The following CAPN5 variants were observed in gnomAD, a reference collection of about 807,000 sequenced individuals.
CAPN5 encodes the protein calpain-5.
In CAPN5, 54 loss-of-function variants were observed where a neutral mutation model predicts 73.0. That is an observed-to-expected ratio of 0.74 (90% CI 0.59 to 0.93). The LOEUF is 0.93. Ranked by LOEUF, CAPN5 falls within the 40% of genes least tolerant of loss-of-function variation. CAPN5 has a pLI of 0.00. For synonymous variants in CAPN5, 335 were observed against 356.9 expected, an observed-to-expected ratio of 0.94 and a Z score of 0.69; for missense variants, 785 against 882.9, an observed-to-expected ratio of 0.89 and a Z score of 1.41.
At chr11:77,090,369 G>A (rs1950136354) in intron 2 of CAPN5, among the ~76,000 whole-genome samples, 1 of 152,216 alleles carries the variant, frequency 6.6e-6, no homozygotes, top group Non-Finnish European at 1.5e-5. Flanking sequence ...AGCTCGGTCT[G>A]TCTCTCAAGG....
chr11:77,095,939 G>A (rs1048996500), intron 3 of CAPN5, among the ~76,000 whole-genome samples: 1 of 152,218 alleles, frequency 6.6e-6, no homozygotes, highest in East Asian at 1.9e-4. Flanking sequence ...AGGCCAGGGC[G>A]GGTCTGGGCG....
intron 2 of CAPN5, among the ~76,000 whole-genome samples, chr11:77,088,814 T>A (rs1472614102): frequency 6.6e-6 from 1 of 152,138 alleles, no homozygotes; most frequent in Non-Finnish European, 1.5e-5. Context: ...AATTTCTTGT[T>A]GTGCCACGAA....
intron 1 of CAPN5, among the ~76,000 whole-genome samples, chr11:77,075,056 A>T (rs1266055788): frequency 6.6e-6 from 1 of 152,138 alleles, no homozygotes; most frequent in South Asian, 2.1e-4. Flanking sequence ...GGGGCTCCGC[A>T]AGACAGCCGT....
intron 1 of CAPN5, among the ~76,000 whole-genome samples, chr11:77,077,446 A>G (rs1949983151): frequency 6.6e-6 from 1 of 152,098 alleles, no homozygotes. Flanking sequence ...TCTTTTTTAT[A>G]AAAGCCCAAA....
intron 1 of CAPN5, among the ~76,000 whole-genome samples, chr11:77,067,307 C>T (rs1292794335): frequency 6.9e-6 from 1 of 145,824 alleles, no homozygotes; most frequent in Non-Finnish European, 1.5e-5. Context: ...CTCGGCTCGT[C>T]CCCACCCCCA....
chr11:77,081,873 G>A lies in CAPN5; in HGVS notation c.-35-2979G>A, dbSNP rs117088051. 8.3e-3 allele frequency among the ~76,000 whole-genome samples: 1,258 copies of A among 152,232 alleles called. 14 individuals are homozygous for A. The highest frequency in any genetic ancestry group is 0.013 in the Non-Finnish European group (872 of 67,986). On this transcript the variant is annotated intron_variant, in intron 1 of 12. Coordinates refer to ENST00000648180, the MANE Select transcript of CAPN5 (RefSeq NM_004055.5). Reference sequence around the variant, plus strand: ...AGACCTGAGTGCTGGCGTCTGTGATGTGGAAAGCTGATTCCCCTTGGGAGC... The same window carrying A: ...AGACCTGAGTGCTGGCGTCTGTGATATGGAAAGCTGATTCCCCTTGGGAGC...
intron 3 of CAPN5, 29 bp from the exon 4 acceptor site, chr11:77,112,560 C>T: frequency 6.3e-7 from 1 of 1,575,896 alleles, no homozygotes; most frequent in African/African-American, 1.3e-5. Context: ...ACTGTGTTCC[C>T]CCATCCTATC....
rs782195976 is a variant in CAPN5 at position 77,122,578 on chromosome 11, G to A, written c.1606G>A (p.Ala536Thr). Reference protein sequence around the residue: ...AAGLKDSPTGANSYVIIKCEG... With the variant: ...AAGLKDSPTGTNSYVIIKCEG... ...CATCTCCCACTCCCTCTCCCTAGGG[G>A]CTAACTCTTATGTGATCATCAAGTG... Residue 536 changes from alanine (A) to threonine (T), a missense_variant and splice_region_variant, in exon 12 of 13, where the codon GCT (alanine) becomes ACT (threonine). Transcript: ENST00000648180. 4 of 1,609,118 alleles carry A rather than the reference G, an allele frequency of 2.5e-6. No homozygotes were observed. In the South Asian group the frequency reaches 3.3e-5, roughly 13 times the overall value.
At chr11:77,108,049 G>A (rs371301463) in intron 3 of CAPN5, among the ~76,000 whole-genome samples, 12 of 152,218 alleles carry the variant, frequency 7.9e-5, no homozygotes, top group East Asian at 5.8e-4. Flanking sequence ...AGGTGGCCCC[G>A]TTGAAAGTGA....
At chr11:77,108,251 C>T (rs566272114) in intron 3 of CAPN5, among the ~76,000 whole-genome samples, 1 of 152,172 alleles carries the variant, frequency 6.6e-6, no homozygotes, top group African/African-American at 2.4e-5. Flanking sequence ...GCCCCTGTCC[C>T]CAAGGAGCTC....
chr11:77,085,653 C>T (rs936813861), intron 2 of CAPN5, among the ~76,000 whole-genome samples: 2 of 152,156 alleles, frequency 1.3e-5, no homozygotes, highest in Admixed American at 6.5e-5. Context: ...GGCGTCTCTC[C>T]GACCACTCCT....
At chr11:77,077,629 A>G (rs1949985723) in intron 1 of CAPN5, among the ~76,000 whole-genome samples, 1 of 151,738 alleles carries the variant, frequency 6.6e-6, no homozygotes, top group Non-Finnish European at 1.5e-5. Context: ...TCCTGGGTTC[A>G]AGCGATTCTT....
chr11:77,099,361 T>C (rs1197818662), intron 3 of CAPN5, among the ~76,000 whole-genome samples: 1 of 129,574 alleles, frequency 7.7e-6, no homozygotes, highest in Non-Finnish European at 1.6e-5. Context: ...CTCGGCACTT[T>C]GGGAGGCCAA....
intron 1 of CAPN5, among the ~76,000 whole-genome samples, chr11:77,071,931 G>A (rs566790524): frequency 1.3e-5 from 2 of 152,312 alleles, no homozygotes; most frequent in African/African-American, 2.4e-5. Flanking sequence ...TGCCTGCTGC[G>A]GACCTGCCCC....
At chr11:77,116,151 G>C in intron 6 of CAPN5, 75 bp from the exon 7 acceptor site, 4 of 1,407,520 alleles carry the variant, frequency 2.8e-6, no homozygotes, top group Non-Finnish European at 3.9e-6. Flanking sequence ...GTGCCTCCTC[G>C]CCTTTGCCAG....
intron 1 of CAPN5, among the ~76,000 whole-genome samples, chr11:77,078,471 G>A (rs1949996293): frequency 6.6e-6 from 1 of 152,132 alleles, no homozygotes; most frequent in Non-Finnish European, 1.5e-5. Flanking sequence ...CTATAGCTTT[G>A]TAGTATATTT....
At chr11:77,078,154 A>G (rs1489397244) in intron 1 of CAPN5, among the ~76,000 whole-genome samples, 1 of 152,184 alleles carries the variant, frequency 6.6e-6, no homozygotes, top group Non-Finnish European at 1.5e-5. Flanking sequence ...CCAATGTCAT[A>G]ACAGCTTTTC....
At chr11:77,092,609 G>A (rs140926440) in intron 2 of CAPN5, among the ~76,000 whole-genome samples, 1 of 152,400 alleles carries the variant, frequency 6.6e-6, no homozygotes, top group East Asian at 1.9e-4. Context: ...CGGGTCAGCG[G>A]CTGCCCTGGC....
At chr11:77,110,460 G>A (rs1950400658) in intron 3 of CAPN5, among the ~76,000 whole-genome samples, 1 of 152,170 alleles carries the variant, frequency 6.6e-6, no homozygotes, top group Non-Finnish European at 1.5e-5. Context: ...GAAAAGTGGG[G>A]GTGAGGAGGT....
Sources: allele counts gnomAD v4.1 joint callset (sites outside exome capture counted in the v4.1 genomes callset), GRCh38; gene constraint gnomAD v4.1.1; transcripts MANE v1.5; gene names NCBI Gene and HGNC (gene_info 2026-07-23, HGNC 2026-07-21).